The following SYTL5 variants were observed in gnomAD, a reference collection of about 807,000 sequenced individuals.
SYTL5 encodes synaptotagmin-like protein 5.
A neutral mutation model predicts 55.9 loss-of-function variants in SYTL5; 34 were observed. That is an observed-to-expected ratio of 0.61 (90% CI 0.46 to 0.81). The LOEUF is 0.81. SYTL5 is among the 30% of genes least tolerant of loss of function. The pLI is 0.00. For missense variants in SYTL5, 637 were observed against 546.7 expected (o/e 1.17, Z -1.65); for synonymous variants, 221 against 188.7 (o/e 1.17, Z -1.40).
chrX:38,108,559 G>T (rs761415980), intron 11 of SYTL5, 41 bp from the exon 12 acceptor site: 16 of 991,875 alleles, frequency 1.6e-5, no homozygotes, highest in South Asian at 2.1e-5. Context: ...CTTGCAAATA[G>T]ATGTTTCACA....
At chrX:38,103,203 T>C in intron 10 of SYTL5, 3 of 504,958 alleles carry the variant, frequency 5.9e-6, no homozygotes, top group South Asian at 8.1e-5. Context: ...CCGACTTATA[T>C]ACAATTAACC....
rs1936398381 is a variant in SYTL5, at chrX:38,076,703, TA to T, written c.689+4del. 1 of 1,207,169 alleles carries T rather than the reference TA, an allele frequency of 8.3e-7. No homozygotes were observed. Among genetic ancestry groups the T allele is most frequent in the South Asian group, 1.8e-5 (1 of 56,296 alleles). On this transcript the variant is annotated splice_donor_region_variant and intron_variant, in intron 6 of 16. Transcript: ENST00000297875. ...AAAATCACCTCCTGGTTCAGACAGG[TA>T]AGAGTCATACAGATTGAGCAATGAT...
chrX:38,083,424 T>C (rs1936586350), intron 6 of SYTL5, among the ~76,000 whole-genome samples: 1 of 111,890 alleles, frequency 8.9e-6, no homozygotes, highest in East Asian at 2.8e-4. Flanking sequence ...TTTTGTTTTA[T>C]TAAGTCAAAT....
At chrX:37,988,562 T>C in the SYTL5 span, among the ~76,000 whole-genome samples, 1 of 112,262 alleles carries the variant, frequency 8.9e-6, no homozygotes, top group South Asian at 3.7e-4. Flanking sequence ...TTCAGGAGCA[T>C]TATATAACAA....
chrX:38,061,411 A>C (rs148254401), intron 3 of SYTL5, among the ~76,000 whole-genome samples: 1,388 of 111,090 alleles, frequency 0.012, 30 homozygotes, highest in African/African-American at 0.043. Context: ...GGCAGCAAAC[A>C]CTCTTTGTTT....
chrX:38,097,991 A>G (rs1936981730), intron 9 of SYTL5, among the ~76,000 whole-genome samples: 1 of 111,113 alleles, frequency 9.0e-6, no homozygotes, highest in Non-Finnish European at 1.9e-5. Context: ...ACCACAAAAC[A>G]TAAAAGAACT....
chrX:37,955,527 T>C, the SYTL5 span, among the ~76,000 whole-genome samples: 1 of 112,078 alleles, frequency 8.9e-6, no homozygotes, highest in Admixed American at 9.5e-5. Flanking sequence ...TAGAAACATA[T>C]AATTAGATGA....
chrX:38,115,670 T>A (rs988752458), intron 13 of SYTL5, among the ~76,000 whole-genome samples: 3 of 110,988 alleles, frequency 2.7e-5, no homozygotes, highest in African/African-American at 9.8e-5. Context: ...TGCATTTCCC[T>A]GGTGATTAGC....
the SYTL5 span, among the ~76,000 whole-genome samples, chrX:37,951,741 G>A: frequency 2.7e-5 from 3 of 111,417 alleles, no homozygotes; most frequent in African/African-American, 9.8e-5. Context: ...GAGTTAGCTA[G>A]GGCCAGACCT....
chrX:38,013,469 A>G (rs1934251876), intron 1 of SYTL5, among the ~76,000 whole-genome samples: 1 of 111,517 alleles, frequency 9.0e-6, no homozygotes, highest in South Asian at 3.8e-4. Context: ...TACTGCTCCT[A>G]ATGATAATGC....
intron 9 of SYTL5, among the ~76,000 whole-genome samples, chrX:38,101,964 A>AGT (rs200016789): frequency 5.0e-4 from 55 of 109,037 alleles, no homozygotes; most frequent in Middle Eastern, 4.6e-3. Context: ...CCATCTTGGC[A>AGT]GTGTGTGTGT....
In SYTL5 at chrX:38,128,542, A is replaced by C. The variant is rs1457840153; in HGVS notation, c.*1812A>C. 1 of 111,579 alleles carries C rather than the reference A, an allele frequency of 9.0e-6. No homozygotes were observed. The highest frequency in any genetic ancestry group is 3.3e-5 in the African/African-American group (1 of 30,762). The allele number at this position is 111,579 out of a possible 1,213,427, so 9.2% of individuals were successfully genotyped here. A position where few individuals can be genotyped will look rare whatever the true frequency, so the allele number is the denominator to read the frequency against. On this transcript the variant is annotated 3_prime_UTR_variant, in exon 17 of 17. Transcript: ENST00000297875. ...GGCTTATTCCTGCTAGTTGTTCCAT[A>C]TTTCTAGATTTCATCTTGAATTTTG... is the stretch of plus-strand genomic sequence containing the variant.
At chrX:38,111,393 A>G (rs1937356153) in intron 13 of SYTL5, among the ~76,000 whole-genome samples, 1 of 111,936 alleles carries the variant, frequency 8.9e-6, no homozygotes, top group Non-Finnish European at 1.9e-5. Flanking sequence ...TTTATTGGGA[A>G]CATTGTAAGC....
At chrX:38,003,869 G>A (rs140757281), upstream of SYTL5, among the ~76,000 whole-genome samples, 325 of 111,302 alleles carry the variant, frequency 2.9e-3, no homozygotes, top group Middle Eastern at 9.3e-3. Context: ...TTCTCTTTTG[G>A]GTATAAGCCA....
At chrX:37,958,029 T>G in the SYTL5 span, among the ~76,000 whole-genome samples, 1 of 110,768 alleles carries the variant, frequency 9.0e-6, no homozygotes, top group Non-Finnish European at 1.9e-5. Flanking sequence ...GCCAACATGG[T>G]GAAACCTCGG....
chrX:38,033,405 A>G (rs1935016336), intron 1 of SYTL5, 129 bp from the exon 2 acceptor site: 1 of 113,154 alleles, frequency 8.8e-6, no homozygotes, highest in African/African-American at 3.2e-5. Context: ...ATGCATGTTT[A>G]CTGTTTTAAA....
At chrX:37,969,531 TA>T in the SYTL5 span, among the ~76,000 whole-genome samples, 2 of 112,070 alleles carry the variant, frequency 1.8e-5, no homozygotes, top group Non-Finnish European at 3.8e-5. Flanking sequence ...AAAAGATACT[TA>T]ATTTGCCTGT....
the SYTL5 span, among the ~76,000 whole-genome samples, chrX:37,983,333 A>G: frequency 8.9e-6 from 1 of 112,178 alleles, no homozygotes; most frequent in African/African-American, 3.2e-5. Flanking sequence ...AAGTAAAACA[A>G]TGGCAAAACA....
the SYTL5 span, among the ~76,000 whole-genome samples, chrX:37,923,324 C>T: frequency 6.3e-5 from 7 of 111,806 alleles, no homozygotes; most frequent in Non-Finnish European, 1.3e-4. Context: ...CTAGTTTAGT[C>T]TTGAGTGTGT....
Sources: allele counts gnomAD v4.1 joint callset (sites outside exome capture counted in the v4.1 genomes callset), GRCh38; gene constraint gnomAD v4.1.1; transcripts MANE v1.5; gene names NCBI Gene and HGNC (gene_info 2026-07-23, HGNC 2026-07-21).